Variants in SAMMSON observed in about 807,000 individuals in gnomAD.
SAMMSON encodes survival associated mitochondrial melanoma specific oncogenic non-coding RNA, also known as long intergenic non-protein coding RNA 1212.
intron 4 of SAMMSON, chr3:70,172,309 T>C (rs1700965025): frequency 6.6e-6 from 1 of 151,190 alleles, no homozygotes; most frequent in South Asian, 2.1e-4. Context: ...GACAGTCTCA[T>C]GTTGGCCATG....
At chr3:70,107,173 T>A (rs2067370033) in intron 4 of SAMMSON, among the ~76,000 whole-genome samples, 2 of 152,192 alleles carry the variant, frequency 1.3e-5, no homozygotes, top group African/African-American at 4.8e-5. Flanking sequence ...CCAAATTAAA[T>A]GTTATTTGGA....
chr3:70,097,398 C>T (rs184582276), intron 4 of SAMMSON, among the ~76,000 whole-genome samples: 24 of 152,312 alleles, frequency 1.6e-4, no homozygotes, highest in African/African-American at 5.1e-4. Flanking sequence ...GTGGATGAAC[C>T]GGTATAAACC....
intron 6 of SAMMSON, among the ~76,000 whole-genome samples, chr3:70,268,936 A>T (rs1314334978): frequency 5.9e-5 from 9 of 152,172 alleles, no homozygotes; most frequent in Non-Finnish European, 1.2e-4. Context: ...AATGGAAGCA[A>T]TTAAAATTTA....
At chr3:70,197,850 G>T (rs866756677) in intron 4 of SAMMSON, among the ~76,000 whole-genome samples, 1 of 151,994 alleles carries the variant, frequency 6.6e-6, no homozygotes, top group Non-Finnish European at 1.5e-5. Flanking sequence ...TGCCTAAAAG[G>T]TTTTAAATCT....
At chr3:70,107,118 GA>G (rs1339504142) in intron 4 of SAMMSON, among the ~76,000 whole-genome samples, 4 of 152,196 alleles carry the variant, frequency 2.6e-5, no homozygotes, top group African/African-American at 9.6e-5. Context: ...AAACTACGTA[GA>G]GGGGGACCGG....
chr3:70,039,862 C>G (rs2067100138), intron 3 of SAMMSON, among the ~76,000 whole-genome samples: 1 of 151,996 alleles, frequency 6.6e-6, no homozygotes. Flanking sequence ...TTGGACAATG[C>G]TTTTATGGAG....
At chr3:70,427,510 T>C (rs939860457) in intron 2 of SAMMSON, among the ~76,000 whole-genome samples, 1 of 151,942 alleles carries the variant, frequency 6.6e-6, no homozygotes, top group African/African-American at 2.4e-5. Flanking sequence ...GAGGCTGAGA[T>C]GGGCGGATCA....
intron 4 of SAMMSON, among the ~76,000 whole-genome samples, chr3:70,114,902 G>T (rs956596697): frequency 4.6e-5 from 7 of 152,056 alleles, no homozygotes; most frequent in African/African-American, 1.7e-4. Flanking sequence ...TTTTAGCATT[G>T]CAGGAAGTAC....
rs1169101595 is a variant in SAMMSON, at chr3:70,164,371, A to G, written n.508-84736A>G. 4.6e-5 allele frequency among the ~76,000 whole-genome samples: 7 copies of G among 152,160 alleles called. No homozygotes were observed. The South Asian group carries it at 8.3e-4, about 18-fold the overall frequency. On this transcript the variant is annotated intron_variant and non_coding_transcript_variant, in intron 4 of 9. Coordinates refer to ENST00000642114, the Ensembl canonical transcript of SAMMSON. ...AGGCATTGTTTAATTAATAATGGCT[A>G]TCATCCAAAGAGGGCCTATCAGAGA...
At chr3:70,287,453 AT>A (rs1413274590) in intron 6 of SAMMSON, among the ~76,000 whole-genome samples, 3 of 151,754 alleles carry the variant, frequency 2.0e-5, no homozygotes, top group Non-Finnish European at 1.5e-5. Flanking sequence ...TGCTGGATTC[AT>A]TTTGCCAGTA....
At chr3:70,261,398 C>A (rs62256476) in intron 6 of SAMMSON, among the ~76,000 whole-genome samples, 2 of 152,282 alleles carry the variant, frequency 1.3e-5, no homozygotes, top group African/African-American at 4.8e-5. Context: ...GAAACCTCAG[C>A]AGCTTCACTC....
At chr3:70,318,217 C>G (rs1442239486) in intron 7 of SAMMSON, among the ~76,000 whole-genome samples, 2 of 151,964 alleles carry the variant, frequency 1.3e-5, no homozygotes, top group East Asian at 3.9e-4. Flanking sequence ...CTGTCCCATT[C>G]TCTGTATTTC....
intron 9 of SAMMSON, among the ~76,000 whole-genome samples, chr3:70,380,156 C>T (rs188124078): frequency 6.6e-6 from 1 of 152,232 alleles, no homozygotes; most frequent in East Asian, 1.9e-4. Flanking sequence ...AGTGTTTTCA[C>T]TGCATAACCT....
intron 6 of SAMMSON, among the ~76,000 whole-genome samples, chr3:70,249,915 A>C (rs1003236611): frequency 6.6e-6 from 1 of 152,160 alleles, no homozygotes; most frequent in Admixed American, 6.5e-5. Context: ...ATTTTCTGGC[A>C]AAAAAGGAAC....
intron 7 of SAMMSON, among the ~76,000 whole-genome samples, chr3:70,322,562 C>T (rs1232036935): frequency 6.6e-6 from 1 of 152,110 alleles, no homozygotes. Context: ...AAAATGTTAT[C>T]TTGATCAGTC....
intron 7 of SAMMSON, among the ~76,000 whole-genome samples, chr3:70,341,882 C>T (rs993097092): frequency 1.3e-5 from 2 of 152,036 alleles, no homozygotes; most frequent in Non-Finnish European, 2.9e-5. Context: ...ATTGGATATA[C>T]AAAAGAATAT....
intron 4 of SAMMSON, among the ~76,000 whole-genome samples, chr3:70,241,493 G>A (rs1169399405): frequency 1.3e-5 from 2 of 152,108 alleles, no homozygotes; most frequent in East Asian, 3.9e-4. Context: ...TGGGAGGTAT[G>A]GTAGGAATTG....
intron 6 of SAMMSON, among the ~76,000 whole-genome samples, chr3:70,279,856 C>A (rs1416419250): frequency 1.3e-5 from 2 of 152,182 alleles, no homozygotes; most frequent in African/African-American, 4.8e-5. Flanking sequence ...ACCTGCCAAA[C>A]CACCTGCTGT....
intron 4 of SAMMSON, among the ~76,000 whole-genome samples, chr3:70,167,854 G>T (rs1309702006): frequency 1.3e-5 from 2 of 151,964 alleles, no homozygotes; most frequent in Admixed American, 6.6e-5. Flanking sequence ...CGCAGGTGGT[G>T]CCGATGCTGT....
Sources: gnomAD v4.1 joint callset for allele counts (sites outside exome capture counted in the v4.1 genomes callset) on GRCh38, gnomAD v4.1.1 for gene constraint, MANE v1.5 for transcripts, NCBI Gene and HGNC (gene_info 2026-07-23, HGNC 2026-07-21) for gene names.